Variants in BUD23 observed in about 807,000 individuals in gnomAD.
The protein encoded by BUD23 is 18S rRNA (guanine-N(7))-methyltransferase.
A neutral mutation model predicts 47.0 loss-of-function variants in BUD23; 34 were observed. The observed-to-expected ratio is 0.72, with a 90% CI of 0.55 to 0.96. The LOEUF is 0.96. Ranked by LOEUF, BUD23 falls within the 40% of genes least tolerant of loss-of-function variation. The pLI, the probability that BUD23 is intolerant of heterozygous loss-of-function variation, is 0.00. For synonymous variants in BUD23, 124 were observed against 132.0 expected (o/e 0.94, Z 0.41); for missense variants, 343 against 361.2 (o/e 0.95, Z 0.41).
At chr7:73,688,426 T>C (rs1302284508) in intron 5 of BUD23, among the ~76,000 whole-genome samples, 1 of 152,230 alleles carries the variant, frequency 6.6e-6, no homozygotes, top group Non-Finnish European at 1.5e-5. Flanking sequence ...AGATTCTGTG[T>C]CAGCTTTGTG....
intron 9 of BUD23, 27 bp from the exon 10 acceptor site, chr7:73,693,965 G>A (rs782019520): frequency 1.9e-6 from 3 of 1,611,856 alleles, no homozygotes; most frequent in Non-Finnish European, 2.5e-6. Flanking sequence ...TCTCCAGGGT[G>A]ACCTGAGTGC....
chr7:73,692,545 C>T, intron 6 of BUD23, 51 bp from the exon 7 acceptor site: 1 of 1,587,096 alleles, frequency 6.3e-7, no homozygotes, highest in South Asian at 1.1e-5. Context: ...GTGTCCAGGC[C>T]CTAAGCTCAT....
chr7:73,692,894 A>G lies in BUD23; in HGVS notation c.510+248A>G. On this transcript the variant is annotated intron_variant, in intron 7 of 11. Transcript: ENST00000265758. ...AGATAAGGTGATGCGACTGATTTCC[A>G]TAACCAAATAAGTAAATGCCATTTA... 3.6e-6 allele frequency: 2 copies of G among 556,312 alleles called. 1 individual carries two copies. The highest frequency in any genetic ancestry group is 5.0e-5 in the South Asian group (2 of 40,082). 34.5% of individuals were successfully genotyped at this position (556,312 alleles called of 1,614,324 possible).
At chr7:73,692,432 A>G (rs1388955032) in intron 6 of BUD23, among the ~76,000 whole-genome samples, 164 bp from the exon 7 acceptor site, 12 of 152,236 alleles carry the variant, frequency 7.9e-5, no homozygotes, top group Admixed American at 6.5e-4. Flanking sequence ...TGTGAGCTCC[A>G]AAGTTCAGGG....
In BUD23 at chr7:73,688,900, G is replaced by A. The variant is rs1187916672; in HGVS notation, c.362+1805G>A. 2.6e-5 allele frequency among the ~76,000 whole-genome samples: 4 copies of A among 152,296 alleles called. 1 individual carries two copies. In the Middle Eastern group the frequency reaches 0.01, roughly 389 times the overall value. On this transcript the variant is annotated intron_variant, in intron 5 of 11. Transcript: ENST00000265758. ...CTGGGAACAAGACCCAGGGGGGTTG[G>A]GGAATAATTTCAAGGGTAGCAGATG...
chr7:73,696,150 C>T (rs1306259865), intron 10 of BUD23: 1 of 152,190 alleles, frequency 6.6e-6, no homozygotes, highest in Admixed American at 6.5e-5. Context: ...GAAAAATGAG[C>T]CCAAAATGCA....
chr7:73,687,335 G>A (rs1161084143), intron 5 of BUD23, among the ~76,000 whole-genome samples: 1 of 152,082 alleles, frequency 6.6e-6, no homozygotes, highest in Non-Finnish European at 1.5e-5. Flanking sequence ...GGAGTGCAGT[G>A]GTGTGATCTT....
At position 73,693,430 on chromosome 7, in the gene BUD23, C is replaced by T. The variant is rs782620834; in HGVS notation, c.596+16C>T. ...AAGCAAAGAAGTGAGCGCTGGGGGC[C>T]GGTGTGCTGCCTGGGCTGCAGGAGG... On this transcript the variant is annotated intron_variant, in intron 8 of 11. Transcript: ENST00000265758. The T allele has an allele frequency of 7.3e-5, 117 of 1,613,752 alleles. No individual in the cohort carries two copies. Among genetic ancestry groups the T allele is most frequent in the South Asian group, 2.9e-4 (26 of 91,066 alleles).
intron 2 of BUD23, among the ~76,000 whole-genome samples, chr7:73,684,392 T>G (rs1797856226): frequency 6.9e-6 from 1 of 145,984 alleles, no homozygotes; most frequent in African/African-American, 2.5e-5. Context: ...AATAAAAAAA[T>G]TAGCCGGGTG....
chr7:73,689,641 G>A (rs1554613697), intron 5 of BUD23, among the ~76,000 whole-genome samples: 1 of 152,160 alleles, frequency 6.6e-6, no homozygotes, highest in Admixed American at 6.5e-5. Context: ...CAGAGGCACA[G>A]ATGCCGGTGG....
chr7:73,697,760 C>A, intron 11 of BUD23, 66 bp downstream of exon 11: 1 of 1,609,744 alleles, frequency 6.2e-7, no homozygotes, highest in Non-Finnish European at 8.5e-7. Context: ...TGAAGAGCTT[C>A]CCTTTATTTG....
rs184763015 is a variant in BUD23 at position 73,693,309 on chromosome 7, C to A, written c.511-20C>A. On this transcript the variant is annotated intron_variant, in intron 7 of 11. Coordinates refer to ENST00000265758, the MANE Select transcript of BUD23 (RefSeq NM_017528.5). ...TCCTCTCAACCTCCGCTGCCTGACC[C>A]GCTGCCTTTCTTTCCTCAGTTGGAG... is the stretch of plus-strand genomic sequence containing the variant. 3.1e-6 allele frequency: 5 copies of A among 1,610,100 alleles called. No individual in the cohort carries two copies. The African/African-American group carries it at 6.7e-5, about 21-fold the overall frequency.
In BUD23 at chr7:73,697,586, A is replaced by G. The variant is rs199614773; in HGVS notation, c.702-19A>G. ...ATCCATCAGCTGTCCATCAGCTCAT[A>G]GCTGTGTCTCCGCCACAGGTTCCCA... On this transcript the variant is annotated intron_variant, in intron 10 of 11. Coordinates refer to ENST00000265758, the MANE Select transcript of BUD23 (RefSeq NM_017528.5). 1.5e-4 allele frequency: 249 copies of G among 1,613,472 alleles called. No individual in the cohort carries two copies. Among genetic ancestry groups the G allele is most frequent in the Non-Finnish European group, 2.0e-4 (236 of 1,179,912 alleles).
In BUD23 at chr7:73,697,952, A is replaced by C; in HGVS notation, c.*66A>C. 1 of 1,540,234 alleles carries C rather than the reference A, an allele frequency of 6.5e-7. No individual in the cohort carries two copies. The highest frequency in any genetic ancestry group is 8.7e-7 in the Non-Finnish European group (1 of 1,144,336). On this transcript the variant is annotated 3_prime_UTR_variant, in exon 12 of 12. Coordinates refer to ENST00000265758, the MANE Select transcript of BUD23 (RefSeq NM_017528.5). Reference sequence around the variant, plus strand: ...TTCTATATTGTTCAGCTGACAAAGTAGTATTTTAGAAAAGTTCTAAAGTTA... The same window carrying C: ...TTCTATATTGTTCAGCTGACAAAGTCGTATTTTAGAAAAGTTCTAAAGTTA...
intron 5 of BUD23, 130 bp downstream of exon 5, chr7:73,687,225 C>T: frequency 1.1e-6 from 1 of 932,104 alleles, no homozygotes; most frequent in Non-Finnish European, 1.6e-6. Flanking sequence ...GGTGATCTGC[C>T]CACCTCAGTC....
intron 2 of BUD23, 112 bp from the exon 3 acceptor site, chr7:73,686,524 C>T (rs1298707092): frequency 5.1e-5 from 47 of 916,234 alleles, no homozygotes; most frequent in Non-Finnish European, 7.2e-5. Flanking sequence ...ATGATTGATC[C>T]GTTTTTTGTT....
chr7:73,686,516 G>A, intron 2 of BUD23, 120 bp from the exon 3 acceptor site: 1 of 876,084 alleles, frequency 1.1e-6, no homozygotes, highest in South Asian at 1.6e-5. Context: ...ACCTCGGGAT[G>A]ATTGATCCGT....
rs371338913 is a variant in BUD23 at position 73,694,076 on chromosome 7, C to T, written c.701+26C>T. ...GTAAAGCAACTGCTGAAGCCTGCCC[C>T]GGCTGCAGCGGGGGCTGCCACATTT... On this transcript the variant is annotated intron_variant, in intron 10 of 11. Coordinates refer to ENST00000265758, the MANE Select transcript of BUD23 (RefSeq NM_017528.5). 209 of 1,593,814 alleles carry T rather than the reference C, an allele frequency of 1.3e-4. No homozygotes were observed. The African/African-American group carries it at 2.0e-3, about 15-fold the overall frequency.
At chr7:73,691,264 T>C (rs1485573764) in intron 6 of BUD23, among the ~76,000 whole-genome samples, 1 of 152,218 alleles carries the variant, frequency 6.6e-6, no homozygotes, top group Non-Finnish European at 1.5e-5. Flanking sequence ...ATTTATTAAC[T>C]TGTAATAGGG....
Sources: gnomAD v4.1 joint callset for allele counts (sites outside exome capture counted in the v4.1 genomes callset) on GRCh38, gnomAD v4.1.1 for gene constraint, MANE v1.5 for transcripts, NCBI Gene and HGNC (gene_info 2026-07-23, HGNC 2026-07-21) for gene names.